The following ATG10 variants were observed in gnomAD, a reference collection of about 807,000 sequenced individuals.
ATG10 encodes ubiquitin-like-conjugating enzyme ATG10.
Under a neutral mutation model 32.1 loss-of-function variants are expected in ATG10, and 30 were observed. That is an observed-to-expected ratio of 0.94 (90% CI 0.70 to 1.27). The LOEUF (loss-of-function observed/expected upper bound fraction) is 1.27. ATG10 is among the 50% of genes most tolerant of loss of function. ATG10 has a pLI of 0.00. For missense variants in ATG10, 233 were observed against 262.3 expected (o/e 0.89, Z 0.77); for synonymous variants, 87 against 91.5 (o/e 0.95, Z 0.28).
intron 2 of ATG10, chr5:81,992,542 C>T (rs888963226): frequency 1.3e-5 from 2 of 152,108 alleles, no homozygotes; most frequent in Non-Finnish European, 1.5e-5. Context: ...GTTGGGGTTA[C>T]AGGCATGCGC....
chr5:82,084,083 A>G (rs538272307), intron 3 of ATG10, among the ~76,000 whole-genome samples: 1 of 152,322 alleles, frequency 6.6e-6, no homozygotes, highest in South Asian at 2.1e-4. Context: ...AAAAACCTGG[A>G]AAAAAGATTA....
chr5:82,139,103 C>T (rs1276376758), intron 3 of ATG10, among the ~76,000 whole-genome samples: 23 of 146,802 alleles, frequency 1.6e-4, no homozygotes, highest in Non-Finnish European at 3.3e-4. Context: ...CTCGGCCTCC[C>T]GAGGTGCCGG....
chr5:82,129,823 A>G (rs1033850330), intron 3 of ATG10, among the ~76,000 whole-genome samples: 5 of 152,134 alleles, frequency 3.3e-5, no homozygotes, highest in Non-Finnish European at 5.9e-5. Flanking sequence ...CAGGGGGGTC[A>G]GGGAGCCACT....
rs534486261 is a variant in ATG10, at chr5:82,192,450, G to A, written c.453+13863G>A. On this transcript the variant is annotated intron_variant, in intron 5 of 7. Transcript: ENST00000282185. ...CATATTATATAGCTTGACCCAAAGA[G>A]AGTTTCTTCAACAGGTTAGGGGTTG... 2.6e-5 allele frequency among the ~76,000 whole-genome samples: 4 copies of A among 152,314 alleles called. No homozygotes were observed. In the South Asian group the frequency reaches 8.3e-4, roughly 32 times the overall value.
At chr5:82,058,399 C>T in intron 2 of ATG10, 96 bp from the exon 3 acceptor site, 3 of 851,122 alleles carry the variant, frequency 3.5e-6, no homozygotes, top group South Asian at 3.2e-5. Flanking sequence ...TAGTTTTTCA[C>T]TGATCAGTTT....
chr5:82,168,212 C>T (rs1743658890), intron 4 of ATG10, among the ~76,000 whole-genome samples: 1 of 152,106 alleles, frequency 6.6e-6, no homozygotes, highest in East Asian at 1.9e-4. Context: ...GAGGGCTCAG[C>T]TTTGATCAAA....
intron 5 of ATG10, among the ~76,000 whole-genome samples, chr5:82,236,409 C>T (rs912329336): frequency 5.3e-5 from 8 of 152,108 alleles, no homozygotes; most frequent in Admixed American, 1.3e-4. Context: ...AATAGTCTTG[C>T]TTAAAGCAAC....
chr5:82,236,997 C>G (rs1168477277), intron 5 of ATG10, among the ~76,000 whole-genome samples: 1 of 152,120 alleles, frequency 6.6e-6, no homozygotes, highest in African/African-American at 2.4e-5. Flanking sequence ...TTCTTTCCCC[C>G]CTTTTTTTCC....
chr5:82,012,319 A>T (rs181714598), intron 2 of ATG10, among the ~76,000 whole-genome samples: 9 of 152,058 alleles, frequency 5.9e-5, no homozygotes, highest in Middle Eastern at 3.2e-3. Flanking sequence ...TTTGAAGGGG[A>T]TTTGTAGTCC....
chr5:82,237,888 T>TC (rs1471293144), intron 5 of ATG10, among the ~76,000 whole-genome samples: 1 of 152,152 alleles, frequency 6.6e-6, no homozygotes, highest in Non-Finnish European at 1.5e-5. Context: ...AAAATATACA[T>TC]CCTGCTATAC....
intron 3 of ATG10, among the ~76,000 whole-genome samples, chr5:82,130,091 G>A (rs1021015861): frequency 5.3e-5 from 8 of 152,190 alleles, no homozygotes; most frequent in African/African-American, 1.7e-4. Flanking sequence ...GCTTTGCCAA[G>A]CTGCGGCGGG....
intron 1 of ATG10, chr5:81,973,179 G>C (rs957687110): frequency 1.3e-5 from 2 of 152,280 alleles, no homozygotes; most frequent in African/African-American, 4.8e-5. Flanking sequence ...GCCCAGGCTG[G>C]AGTGCAGTGG....
chr5:82,036,760 A>T (rs1356791108), intron 2 of ATG10, among the ~76,000 whole-genome samples: 1 of 152,116 alleles, frequency 6.6e-6, no homozygotes, highest in South Asian at 2.1e-4. Context: ...CGTATTCTAC[A>T]GTAAAGTTGT....
At chr5:82,164,329 C>A in intron 3 of ATG10, 70 bp from the exon 4 acceptor site, 1 of 1,422,450 alleles carries the variant, frequency 7.0e-7, no homozygotes, top group Non-Finnish European at 9.8e-7. Flanking sequence ...AAAATCTCCT[C>A]TTTTCCTCTC....
intron 4 of ATG10, among the ~76,000 whole-genome samples, chr5:82,167,019 T>C (rs1743611270): frequency 1.3e-5 from 2 of 152,196 alleles, no homozygotes; most frequent in Admixed American, 6.5e-5. Context: ...TACCCTTTCT[T>C]GTATCAACTT....
intron 2 of ATG10, among the ~76,000 whole-genome samples, chr5:82,040,438 C>T (rs1329999660): frequency 6.6e-6 from 1 of 152,094 alleles, no homozygotes; most frequent in African/African-American, 2.4e-5. Context: ...CATTGAAAGG[C>T]AGATTTTGAA....
intron 2 of ATG10, among the ~76,000 whole-genome samples, chr5:82,055,242 T>C (rs1175218126): frequency 6.6e-6 from 1 of 152,052 alleles, no homozygotes; most frequent in African/African-American, 2.4e-5. Context: ...AGATTGATAC[T>C]GAAAAAAAAT....
At chr5:82,088,053 T>A (rs887713858) in intron 3 of ATG10, among the ~76,000 whole-genome samples, 2 of 152,182 alleles carry the variant, frequency 1.3e-5, no homozygotes, top group African/African-American at 2.4e-5. Context: ...TGGTGTTGAC[T>A]CATTTCAGTG....
intron 2 of ATG10, among the ~76,000 whole-genome samples, chr5:82,049,111 C>T (rs1255096308): frequency 1.1e-4 from 17 of 151,374 alleles, no homozygotes; most frequent in East Asian, 1.9e-4. Context: ...ATGTTTCTTG[C>T]GGCATTATTC....
Sources: gnomAD v4.1 joint callset for allele counts (sites outside exome capture counted in the v4.1 genomes callset) on GRCh38, gnomAD v4.1.1 for gene constraint, MANE v1.5 for transcripts, NCBI Gene and HGNC (gene_info 2026-07-23, HGNC 2026-07-21) for gene names.